Variants in TAF2 observed in about 807,000 individuals in gnomAD.
TAF2 encodes the protein transcription initiation factor TFIID subunit 2.
In TAF2, 61 loss-of-function variants were observed where a neutral mutation model predicts 138.5. The observed-to-expected ratio is 0.44, with a 90% confidence interval of 0.36 to 0.54. TAF2 has a LOEUF of 0.54. Among genes scored for constraint, TAF2 ranks in the 20% least tolerant of loss-of-function variants. TAF2 has a pLI of 0.00. For missense variants in TAF2, 1,090 were observed against 1,427.9 expected (o/e 0.76, Z 3.81); for synonymous variants, 475 against 469.9 (o/e 1.01, Z -0.14).
At chr8:119,741,299 T>A (rs1162956670) in intron 25 of TAF2, among the ~76,000 whole-genome samples, 2 of 151,898 alleles carry the variant, frequency 1.3e-5, no homozygotes, top group Non-Finnish European at 2.9e-5. Context: ...TAGAGAGAAT[T>A]TTTTTTTAAA....
At chr8:119,801,732 T>C in intron 6 of TAF2, 62 bp downstream of exon 6, 2 of 1,526,346 alleles carry the variant, frequency 1.3e-6, no homozygotes, top group Non-Finnish European at 1.8e-6. Flanking sequence ...CTTGCCAATA[T>C]CTATCTTTTT....
chr8:119,798,221 T>C (rs924872552), intron 6 of TAF2, among the ~76,000 whole-genome samples: 3 of 152,186 alleles, frequency 2.0e-5, no homozygotes, highest in African/African-American at 7.2e-5. Context: ...TAATGCACGT[T>C]ATAGTACTAT....
At chr8:119,803,147 A>G (rs771362426) in intron 5 of TAF2, among the ~76,000 whole-genome samples, 2 of 152,050 alleles carry the variant, frequency 1.3e-5, no homozygotes, top group African/African-American at 2.4e-5. Context: ...TGAGTAGTAG[A>G]ATGTGGAGTG....
chr8:119,829,491 T>C lies in TAF2; in HGVS notation c.138+2186A>G, dbSNP rs539470242. ...TGGTTTCTGTTAACTCTGTTCTAAA[T>C]ACTCCCTTCATTTCCCTCAATTAAC... On this transcript the variant is annotated intron_variant, in intron 2 of 25. Coordinates refer to ENST00000378164, the MANE Select transcript of TAF2 (RefSeq NM_003184.4). Among the ~76,000 whole-genome samples the C allele has an allele frequency of 4.2e-4, 64 of 152,202 alleles. 1 individual carries two copies. Among genetic ancestry groups the C allele is most frequent in the South Asian group, 8.3e-4 (4 of 4,814 alleles).
chr8:119,781,233 T>C, intron 16 of TAF2, 40 bp from the exon 17 acceptor site: 2 of 1,611,448 alleles, frequency 1.2e-6, no homozygotes, highest in Non-Finnish European at 8.5e-7. Context: ...CCATTACCAA[T>C]GCAAACATAC....
chr8:119,764,201 G>A (rs925348385), intron 18 of TAF2, among the ~76,000 whole-genome samples: 20 of 151,912 alleles, frequency 1.3e-4, no homozygotes, highest in Non-Finnish European at 2.2e-4. Context: ...TTATTTCAGC[G>A]GTCTGGTGGG....
chr8:119,764,021 C>T (rs1282779247), intron 18 of TAF2, among the ~76,000 whole-genome samples: 3 of 147,076 alleles, frequency 2.0e-5, no homozygotes, highest in African/African-American at 5.1e-5. Flanking sequence ...TGGTGGCACA[C>T]GCCTATAATC....
intron 18 of TAF2, chr8:119,767,092 G>C (rs1394308439): frequency 6.6e-6 from 1 of 152,102 alleles, no homozygotes. Flanking sequence ...GGATAAACAG[G>C]ACTACCTTCC....
chr8:119,825,720 T>C (rs1329145262), intron 2 of TAF2, among the ~76,000 whole-genome samples: 1 of 152,140 alleles, frequency 6.6e-6, no homozygotes, highest in African/African-American at 2.4e-5. Flanking sequence ...AATCTCGCTC[T>C]GTCGCCCAGG....
rs536048038 is a variant in TAF2, at chr8:119,829,430, A to G, written c.138+2247T>C. Reference sequence around the variant, plus strand: ...TTTCAGGCCTAGACAACTGTTCCTCACTGTTGATAGCTCAGAGGGTTCCTC... The same window carrying G: ...TTTCAGGCCTAGACAACTGTTCCTCGCTGTTGATAGCTCAGAGGGTTCCTC... On this transcript the variant is annotated intron_variant, in intron 2 of 25. Coordinates refer to ENST00000378164, the MANE Select transcript of TAF2 (RefSeq NM_003184.4). Among the ~76,000 whole-genome samples the G allele has an allele frequency of 3.8e-4, 57 of 151,728 alleles. 1 individual carries two copies. Among genetic ancestry groups the G allele is most frequent in the African/African-American group, 1.4e-3 (57 of 41,324 alleles).
At chr8:119,805,725 T>A (rs941540506) in intron 4 of TAF2, among the ~76,000 whole-genome samples, 11 of 151,314 alleles carry the variant, frequency 7.3e-5, no homozygotes, top group Non-Finnish European at 1.3e-4. Context: ...AAAAAAAAAT[T>A]TTTTTTTTAG....
chr8:119,815,664 C>T (rs1825411965), intron 3 of TAF2, among the ~76,000 whole-genome samples: 1 of 152,066 alleles, frequency 6.6e-6, no homozygotes, highest in Non-Finnish European at 1.5e-5. Flanking sequence ...GGTTACCCAT[C>T]CACAGAGACA....
At chr8:119,799,830 T>G (rs1824119495) in intron 6 of TAF2, among the ~76,000 whole-genome samples, 1 of 152,248 alleles carries the variant, frequency 6.6e-6, no homozygotes, top group African/African-American at 2.4e-5. Flanking sequence ...CCTGACTTTT[T>G]ACTGATCGCC....
intron 3 of TAF2, among the ~76,000 whole-genome samples, chr8:119,807,653 G>A (rs142026588): frequency 1.0e-3 from 153 of 152,244 alleles, no homozygotes; most frequent in African/African-American, 3.4e-3. Context: ...AGCTGGACAC[G>A]GTGGCTCATG....
chr8:119,734,589 A>G (rs919561569), intron 25 of TAF2, among the ~76,000 whole-genome samples: 2 of 152,100 alleles, frequency 1.3e-5, no homozygotes, highest in African/African-American at 4.8e-5. Flanking sequence ...GCTATTCCCT[A>G]TGCTTGGGAT....
chr8:119,789,785 A>G, intron 11 of TAF2, 39 bp from the exon 12 acceptor site: 1 of 1,574,342 alleles, frequency 6.4e-7, no homozygotes, highest in Non-Finnish European at 8.7e-7. Context: ...CATATAACAG[A>G]TTCTTTTCAA....
chr8:119,758,284 G>C, intron 20 of TAF2, 142 bp from the exon 21 acceptor site: 1 of 691,986 alleles, frequency 1.4e-6, no homozygotes. Flanking sequence ...TTATAGGTAA[G>C]CTCTTATATT....
At chr8:119,744,563 T>C (rs2131001343) in intron 23 of TAF2, 170 bp from the exon 24 acceptor site, 1 of 653,506 alleles carries the variant, frequency 1.5e-6, no homozygotes, top group Non-Finnish European at 2.7e-6. Context: ...GAAAAGATTA[T>C]GTGGTCCAGC....
chr8:119,782,114 A>T (rs1017975835), intron 16 of TAF2, among the ~76,000 whole-genome samples: 5 of 152,222 alleles, frequency 3.3e-5, no homozygotes, highest in African/African-American at 1.2e-4. Flanking sequence ...ATTCGTTTAG[A>T]CAGATATAAT....
Sources: allele counts gnomAD v4.1 joint callset (sites outside exome capture counted in the v4.1 genomes callset), GRCh38; gene constraint gnomAD v4.1.1; transcripts MANE v1.5; gene names NCBI Gene and HGNC (gene_info 2026-07-23, HGNC 2026-07-21).